The following STAG1 variants were observed in gnomAD, a reference collection of about 807,000 sequenced individuals.
STAG1 encodes the protein cohesin subunit SA-1.
In STAG1, 26 loss-of-function variants were observed where a neutral mutation model predicts 170.9. The observed-to-expected ratio is 0.15, with a 90% CI of 0.11 to 0.21. STAG1 has a LOEUF of 0.21. STAG1 is among the 10% of genes least tolerant of loss of function. The pLI is 1.00. For missense variants in STAG1, 964 were observed against 1,509.5 expected, an observed-to-expected ratio of 0.64 and a Z score of 5.99; for synonymous variants, 514 against 497.7, an observed-to-expected ratio of 1.03 and a Z score of -0.44.
chr3:136,506,165 C>T (rs866603166), intron 7 of STAG1, among the ~76,000 whole-genome samples: 1 of 152,034 alleles, frequency 6.6e-6, no homozygotes, highest in Non-Finnish European at 1.5e-5. Flanking sequence ...GACAGTAAAA[C>T]TGGAAGAAGG....
Position 136,343,919 on chromosome 3 carries a change from G to A in STAG1, c.3359C>T (p.Thr1120Ile). The A allele has an allele frequency of 1.9e-6, 3 of 1,611,866 alleles. No homozygotes were observed. Among genetic ancestry groups the A allele is most frequent in the Admixed American group, 1.7e-5 (1 of 59,696 alleles). The change falls in exon 30 of 34, where the codon ACT becomes ATT. Residue 1120 changes from threonine to isoleucine, a missense_variant. This residue lies in a region of STAG1 where 122 missense variants were observed against 129.0 expected (regional missense o/e 0.95). Transcript: ENST00000383202. Reference sequence around the variant, plus strand: ...GGGCCGACTGTTCTCCCGCAGTACAGTGGATGTGAGTTGTGGTGCTGGCAG... The same window carrying A: ...GGGCCGACTGTTCTCCCGCAGTACAATGGATGTGAGTTGTGGTGCTGGCAG... ...GPLPAPQLTS[T>I]VLRENSRPMG... is the part of the protein sequence containing the mutation.
chr3:136,391,942 T>C (rs1280550411), intron 22 of STAG1, among the ~76,000 whole-genome samples: 5 of 152,340 alleles, frequency 3.3e-5, no homozygotes, highest in Non-Finnish European at 5.9e-5. Context: ...ATCAAAGCTT[T>C]TTCTTGATAT....
At chr3:136,635,299 G>T (rs1249555489) in intron 1 of STAG1, among the ~76,000 whole-genome samples, 2 of 152,126 alleles carry the variant, frequency 1.3e-5, no homozygotes, top group Non-Finnish European at 2.9e-5. Flanking sequence ...TCTCAGTCAT[G>T]CAAGGCTGGT....
intron 13 of STAG1, among the ~76,000 whole-genome samples, chr3:136,452,357 G>A (rs918018360): frequency 7.2e-5 from 11 of 151,972 alleles, no homozygotes; most frequent in African/African-American, 2.4e-5. Flanking sequence ...GAGGTCAGGA[G>A]ACTGAGACCA....
At chr3:136,485,736 G>A (rs2089996690) in intron 9 of STAG1, among the ~76,000 whole-genome samples, 1 of 152,136 alleles carries the variant, frequency 6.6e-6, no homozygotes, top group East Asian at 1.9e-4. Flanking sequence ...TCTGTTTAAC[G>A]TCATATGTAT....
chr3:136,583,373 G>C (rs1348465956), intron 4 of STAG1, among the ~76,000 whole-genome samples: 1 of 152,030 alleles, frequency 6.6e-6, no homozygotes, highest in Non-Finnish European at 1.5e-5. Context: ...ACCACATTAA[G>C]TCCACTGAAA....
At position 136,346,511 on chromosome 3, in the gene STAG1, G is replaced by C. The variant is rs1936227847; in HGVS notation, c.3272-2505C>G. On this transcript the variant is annotated intron_variant, in intron 29 of 33. Transcript: ENST00000383202. ...TTCTTTTTTTAATTTAAACAAATTA[G>C]GTTATCTGGTTCCACACAAGCTTCT... Among the ~76,000 whole-genome samples the C allele has an allele frequency of 2.0e-5, 3 of 152,060 alleles. No individual in the cohort carries two copies. In the South Asian group the frequency reaches 6.2e-4, roughly 32 times the overall value.
chr3:136,523,834 C>T (rs930587690), intron 6 of STAG1, among the ~76,000 whole-genome samples: 2 of 152,074 alleles, frequency 1.3e-5, no homozygotes, highest in African/African-American at 4.8e-5. Flanking sequence ...TTTCCCAGCA[C>T]CATTCATTAA....
intron 1 of STAG1, among the ~76,000 whole-genome samples, chr3:136,703,170 C>T (rs1366213063): frequency 6.6e-6 from 1 of 151,700 alleles, no homozygotes; most frequent in East Asian, 1.9e-4. Flanking sequence ...AATTATAAAG[C>T]TGGCAAGAAC....
chr3:136,424,270 T>C (rs1184644616), intron 16 of STAG1, among the ~76,000 whole-genome samples: 1 of 151,996 alleles, frequency 6.6e-6, no homozygotes, highest in African/African-American at 2.4e-5. Flanking sequence ...CATTTGACAA[T>C]GTATGAAACA....
At chr3:136,488,946 G>A (rs1403851609) in intron 9 of STAG1, among the ~76,000 whole-genome samples, 1 of 152,112 alleles carries the variant, frequency 6.6e-6, no homozygotes, top group Middle Eastern at 3.2e-3. Flanking sequence ...TCTAGCTGAG[G>A]CATTTGGGAG....
At chr3:136,438,125 T>A (rs2088510679) in intron 15 of STAG1, among the ~76,000 whole-genome samples, 1 of 152,184 alleles carries the variant, frequency 6.6e-6, no homozygotes, top group South Asian at 2.1e-4. Context: ...CTATTGCATC[T>A]CCTAGAACAT....
chr3:136,389,876 G>A (rs1280451912), intron 22 of STAG1, among the ~76,000 whole-genome samples: 3 of 149,956 alleles, frequency 2.0e-5, no homozygotes, highest in African/African-American at 7.4e-5. Flanking sequence ...TTGTCACCCA[G>A]GCCGGAGTGC....
chr3:136,676,874 T>G (rs28877020), intron 1 of STAG1, among the ~76,000 whole-genome samples: 26,135 of 152,004 alleles, frequency 0.17, 2,790 homozygotes, highest in Non-Finnish European at 0.24. Context: ...TTTTCTTTTT[T>G]AAACTGTGCC....
intron 6 of STAG1, among the ~76,000 whole-genome samples, chr3:136,532,303 G>A (rs977606276): frequency 6.6e-6 from 1 of 152,094 alleles, no homozygotes; most frequent in Admixed American, 6.6e-5. Context: ...AACTTCATCA[G>A]GGATGTTGGC....
chr3:136,355,078 C>T (rs6770476), intron 28 of STAG1, among the ~76,000 whole-genome samples: 36,730 of 151,616 alleles, frequency 0.24, 4,801 homozygotes, highest in Middle Eastern at 0.31. Context: ...ACAGGCCAGG[C>T]GTGGTGGCTC....
At chr3:136,594,572 C>T (rs952689494) in intron 4 of STAG1, among the ~76,000 whole-genome samples, 2 of 152,180 alleles carry the variant, frequency 1.3e-5, no homozygotes, top group African/African-American at 4.8e-5. Context: ...GTTATCACTA[C>T]ACTAAGACCA....
chr3:136,739,530 A>G lies in STAG1; in HGVS notation c.-84+12665T>C, dbSNP rs549006961. On this transcript the variant is annotated intron_variant, in intron 1 of 33. Transcript: ENST00000383202. ...AAAAAAAAAAAAAAAGAAAAAAAAA[A>G]AAAGAAAGGCTAGGTGTGGTGGCTG... Among the ~76,000 whole-genome samples the G allele has an allele frequency of 6.4e-4, 96 of 151,084 alleles. 1 individual carries two copies. Among genetic ancestry groups the G allele is most frequent in the African/African-American group, 2.3e-3 (94 of 41,122 alleles).
intron 13 of STAG1, among the ~76,000 whole-genome samples, chr3:136,455,780 TG>T (rs958202370): frequency 6.6e-6 from 1 of 152,216 alleles, no homozygotes; most frequent in African/African-American, 2.4e-5. Flanking sequence ...TTCCTTGGCC[TG>T]GAAACAACTA....
Sources: allele counts gnomAD v4.1 joint callset (sites outside exome capture counted in the v4.1 genomes callset), GRCh38; gene constraint gnomAD v4.1.1; regional missense constraint gnomAD v4.1.1; transcripts MANE v1.5; gene names NCBI Gene and HGNC (gene_info 2026-07-23, HGNC 2026-07-21).